The following PXN variants were observed in gnomAD, a reference collection of about 807,000 sequenced individuals.
The protein encoded by PXN is testicular tissue protein Li 134.
PXN carries 61 observed loss-of-function variants against 103.6 expected under a neutral mutation model. The ratio of observed to expected loss-of-function variants is 0.59; its 90% CI spans 0.48 to 0.73. PXN has a LOEUF of 0.73. Ranked by LOEUF, PXN falls within the 30% of genes least tolerant of loss-of-function variation. The pLI is 0.00. For synonymous variants in PXN, 562 were observed against 607.8 expected (o/e 0.92, Z 1.11); for missense variants, 1,274 against 1,460.3 (o/e 0.87, Z 2.08).
rs1882110590 is a variant in PXN, at chr12:120,214,915, G to A, written c.2658C>T (p.Phe886=). ...HCQEEIGSRN[F]FERDGQPYCE... ...AGTAGGGCTGTCCATCCCGCTCGAA[G>A]AAGTTCCGGGATCCGATCTCCTCCT... The change falls in exon 12 of 15, where the codon TTC becomes TTT. Residue 886 remains phenylalanine (F), a synonymous_variant. Coordinates refer to ENST00000637617, the MANE Select transcript of PXN (RefSeq NM_001385981.1). The surrounding 1 kb of genome is among the most constrained non-coding windows in gnomAD (Gnocchi z 5.0). 1.2e-6 allele frequency: 2 copies of A among 1,613,914 alleles called. No individual in the cohort carries two copies. The highest frequency in any genetic ancestry group is 1.7e-6 in the Non-Finnish European group (2 of 1,179,876).
In PXN at chr12:120,224,148, C is replaced by T; in HGVS notation, c.240+3G>A. 1 of 1,564,096 alleles carries T rather than the reference C, an allele frequency of 6.4e-7. No individual in the cohort carries two copies. The highest frequency in any genetic ancestry group is 8.7e-7 in the Non-Finnish European group (1 of 1,153,086). ...GCCTTCCCAGCCACTGTCCCCGCCT[C>T]ACCTGCTGGTGGATGAATCGGGAGC... On this transcript the variant is annotated splice_donor_region_variant and intron_variant, in intron 2 of 14. Transcript: ENST00000637617. The surrounding 1 kb of genome is among the most constrained non-coding windows in gnomAD (Gnocchi z 5.0).
At position 120,224,851 on chromosome 12, in the gene PXN, G is replaced by A; in HGVS notation, c.14-474C>T. 2.4e-6 allele frequency: 1 copy of A among 416,040 alleles called. No homozygotes were observed. Among genetic ancestry groups the A allele is most frequent in the Non-Finnish European group, 4.9e-6 (1 of 204,282 alleles). 25.8% of individuals were successfully genotyped at this position (416,040 alleles called of 1,614,324 possible). On this transcript the variant is annotated intron_variant, in intron 1 of 14. Coordinates refer to ENST00000637617, the MANE Select transcript of PXN (RefSeq NM_001385981.1). The surrounding 1 kb of genome is among the most constrained non-coding windows in gnomAD (Gnocchi z 5.0). ...CTTTCCCAGCCCCCGACTGGAAGGG[G>A]CACTCAGGATGGTCCCTGCCCTCCT...
chr12:120,226,174 G>T, intron 1 of PXN: 1 of 1,209,204 alleles, frequency 8.3e-7, no homozygotes, highest in Non-Finnish European at 1.1e-6. Context: ...GCTTCACGCA[G>T]TGTCCTCATT....
chr12:120,222,460 G>T lies in PXN; in HGVS notation c.695+89C>A. 1 of 1,371,640 alleles carries T rather than the reference G, an allele frequency of 7.3e-7. No homozygotes were observed. 85.0% of individuals were successfully genotyped at this position (1,371,640 alleles called of 1,614,324 possible). Reference sequence around the variant, plus strand: ...AAATGGCAGACACGGGAGGGAGTGGGTGATACCAGGGCTAAGGGGACAGAC... The same window carrying T: ...AAATGGCAGACACGGGAGGGAGTGGTTGATACCAGGGCTAAGGGGACAGAC... On this transcript the variant is annotated intron_variant, in intron 5 of 14. Coordinates refer to ENST00000637617, the MANE Select transcript of PXN (RefSeq NM_001385981.1). This position sits in a 1 kb window ranked among gnomAD's most constrained non-coding sequence, Gnocchi z 4.7.
At position 120,228,798 on chromosome 12, in the gene PXN, C is replaced by T. The variant is rs915552526; in HGVS notation, c.14-4421G>A. On this transcript the variant is annotated intron_variant, in intron 1 of 14. Transcript: ENST00000637617. The surrounding 1 kb of genome is among the most constrained non-coding windows in gnomAD (Gnocchi z 4.7). ...CCAGGGCCCTGTGCAAATGCAGCAC[C>T]GTGTGCGCCCCTATCTGCACCCCAT... 1.3e-5 allele frequency among the ~76,000 whole-genome samples: 2 copies of T among 152,216 alleles called. No individual in the cohort carries two copies. The highest frequency in any genetic ancestry group is 6.5e-5 in the Admixed American group (1 of 15,292).
intron 1 of PXN, among the ~76,000 whole-genome samples, chr12:120,230,134 C>T (rs889786269): frequency 3.3e-5 from 5 of 152,212 alleles, no homozygotes; most frequent in East Asian, 1.9e-4. Context: ...AGGCAGGGAG[C>T]GGCCAGTGCA....
At chr12:120,264,722 G>A (rs900419609) in intron 1 of PXN, among the ~76,000 whole-genome samples, 4 of 152,206 alleles carry the variant, frequency 2.6e-5, no homozygotes, top group Non-Finnish European at 5.9e-5. Flanking sequence ...GACTCTGCTA[G>A]CCAGGACACG....
In PXN at chr12:120,219,394, T is replaced by A; in HGVS notation, c.1529A>T (p.Glu510Val). 1 of 1,598,424 alleles carries A rather than the reference T, an allele frequency of 6.3e-7. No homozygotes were observed. Among genetic ancestry groups the A allele is most frequent in the South Asian group, 1.1e-5 (1 of 91,088 alleles). The stretch of plus-strand genomic sequence containing the variant: ...CTCGGTCATCTTTGCACCTAGCTGC[T>A]CCGTGGTAACTGAGGCAGGGGAGCT... ...GSSSPASVTT[E>V]QLGAKMTERG... Residue 510 changes from glutamate to valine, a missense_variant, in exon 7 of 15, where the codon GAG (glutamate) becomes GTG (valine). Transcript: ENST00000637617. The surrounding 1 kb of genome is among the most constrained non-coding windows in gnomAD (Gnocchi z 6.5).
Position 120,219,396 on chromosome 12 carries a change from C to CTA in PXN, c.1526_1527insTA (p.Glu510ArgfsTer4). The CTA allele has an allele frequency of 6.3e-7, 1 of 1,598,422 alleles. No homozygotes were observed. Among genetic ancestry groups the CTA allele is most frequent in the South Asian group, 1.1e-5 (1 of 91,088 alleles). ...CGGTCATCTTTGCACCTAGCTGCTCCGTGGTAACTGAGGCAGGGGAGCTGC... is the reference window on the plus strand; with the variant it reads ...CGGTCATCTTTGCACCTAGCTGCTCCTAGTGGTAACTGAGGCAGGGGAGCTGC... On this transcript the variant is annotated frameshift_variant, in exon 7 of 15. Transcript: ENST00000637617. LOFTEE classifies it high-confidence loss of function. This position sits in a 1 kb window ranked among gnomAD's most constrained non-coding sequence, Gnocchi z 6.5.
intron 1 of PXN, chr12:120,249,749 T>G (rs980412242): frequency 1.4e-6 from 1 of 717,834 alleles, no homozygotes; most frequent in Non-Finnish European, 1.7e-6. Flanking sequence ...ACAAAAAGAC[T>G]TCAAGTGCCA....
chr12:120,247,219 A>ACATG (rs1374528916), intron 1 of PXN, among the ~76,000 whole-genome samples: 1 of 152,220 alleles, frequency 6.6e-6, no homozygotes, highest in South Asian at 2.1e-4. Flanking sequence ...AGTATTTAAT[A>ACATG]CATGCTATCT....
chr12:120,264,620 TAACAGGAA>T (rs1894392503), intron 1 of PXN, among the ~76,000 whole-genome samples: 1 of 152,178 alleles, frequency 6.6e-6, no homozygotes, highest in Non-Finnish European at 1.5e-5. Flanking sequence ...GGGGCTCCAA[TAACAGGAA>T]AACAGTAAAA....
chr12:120,230,452 C>T (rs138231286), intron 1 of PXN, among the ~76,000 whole-genome samples: 4 of 152,278 alleles, frequency 2.6e-5, no homozygotes, highest in Non-Finnish European at 5.9e-5. Context: ...AGAGAAGCTG[C>T]GGCCTCCTTA....
In PXN at chr12:120,216,720, G is replaced by A; in HGVS notation, c.1992+121C>T. ...GGGCCAGTCTTCCAAAGTCACAGGA[G>A]GCAAGAAACCCCCACCCTCTCCCCA... is the stretch of plus-strand genomic sequence containing the variant. On this transcript the variant is annotated intron_variant, in intron 8 of 14. Coordinates refer to ENST00000637617, the MANE Select transcript of PXN (RefSeq NM_001385981.1). The surrounding 1 kb of genome is among the most constrained non-coding windows in gnomAD (Gnocchi z 5.1). 2.5e-6 allele frequency: 4 copies of A among 1,594,696 alleles called. No homozygotes were observed. Among genetic ancestry groups the A allele is most frequent in the Non-Finnish European group, 3.4e-6 (4 of 1,178,556 alleles).
At position 120,222,477 on chromosome 12, in the gene PXN, G is replaced by C. The variant is rs1032745221; in HGVS notation, c.695+72C>G. ...GGGAGTGGGTGATACCAGGGCTAAG[G>C]GGACAGACACTGGACCCGGGGCAGG... is the stretch of plus-strand genomic sequence containing the variant. On this transcript the variant is annotated intron_variant, in intron 5 of 14. Transcript: ENST00000637617. This position sits in a 1 kb window ranked among gnomAD's most constrained non-coding sequence, Gnocchi z 4.7. 5.5e-6 allele frequency: 8 copies of C among 1,461,396 alleles called. No homozygotes were observed. The highest frequency in any genetic ancestry group is 7.4e-6 in the Non-Finnish European group (8 of 1,086,754). The allele number at this position is 1,461,396 out of a possible 1,614,324, so 90.5% of individuals were successfully genotyped here.
intron 1 of PXN, chr12:120,250,188 C>T: frequency 3.0e-6 from 3 of 985,504 alleles, no homozygotes; most frequent in Non-Finnish European, 3.6e-6. Context: ...AAACCAAGTG[C>T]AGGCCATTGG....
At chr12:120,255,873 A>G (rs575725022) in intron 1 of PXN, among the ~76,000 whole-genome samples, 12 of 140,180 alleles carry the variant, frequency 8.6e-5, no homozygotes, top group African/African-American at 3.2e-4. Context: ...TGGCAAACGA[A>G]ACCCCATCTC....
intron 1 of PXN, among the ~76,000 whole-genome samples, chr12:120,260,703 T>C (rs1893746327): frequency 6.6e-6 from 1 of 152,180 alleles, no homozygotes; most frequent in African/African-American, 2.4e-5. Context: ...CAATGGCTCA[T>C]GCCTGTAATC....
rs1215948297 is a variant in PXN, at chr12:120,217,207, G to A, written c.1717-91C>T. 2.7e-6 allele frequency: 3 copies of A among 1,114,524 alleles called. No individual in the cohort carries two copies. Among genetic ancestry groups the A allele is most frequent in the African/African-American group, 1.6e-5 (1 of 63,056 alleles). The allele number at this position is 1,114,524 out of a possible 1,614,324, so 69.0% of individuals were successfully genotyped here. On this transcript the variant is annotated intron_variant, in intron 7 of 14. Transcript: ENST00000637617. The surrounding 1 kb of genome is among the most constrained non-coding windows in gnomAD (Gnocchi z 4.1). Reference sequence around the variant, plus strand: ...ACACTCAGATGCCTCAGGAGAGGGAGCACAAAAGAAAACCACCAAAGAACC... The same window carrying A: ...ACACTCAGATGCCTCAGGAGAGGGAACACAAAAGAAAACCACCAAAGAACC...
Sources: allele counts gnomAD v4.1 joint callset (sites outside exome capture counted in the v4.1 genomes callset), GRCh38; gene constraint gnomAD v4.1.1; non-coding constraint Gnocchi (gnomAD v3.1); transcripts MANE v1.5; gene names NCBI Gene and HGNC (gene_info 2026-07-23, HGNC 2026-07-21).